JMJD7: variants seen among roughly 807,000 people sequenced by gnomAD.
JMJD7 encodes the protein jumonji domain containing 7.
In JMJD7, 41 loss-of-function variants were observed where a neutral mutation model predicts 41.1. That is an observed-to-expected ratio of 1.00 (90% CI 0.78 to 1.30). The LOEUF (loss-of-function observed/expected upper bound fraction) is 1.30. Ranked by LOEUF, JMJD7 falls within the 50% of genes most tolerant of loss-of-function variation. The pLI, the probability that JMJD7 is intolerant of heterozygous loss-of-function variation, is 0.00. For missense variants in JMJD7, 480 were observed against 420.7 expected (o/e 1.14, Z -1.23); for synonymous variants, 202 against 177.2 (o/e 1.14, Z -1.11).
chr15:41,833,408 A>AT (rs1279721703), intron 1 of JMJD7, among the ~76,000 whole-genome samples: 46 of 39,856 alleles, frequency 1.2e-3, no homozygotes, highest in African/African-American at 3.1e-3. Context: ...ATATATATAT[A>AT]TATATATTTT....
intron 1 of JMJD7, among the ~76,000 whole-genome samples, chr15:41,830,028 A>G (rs533223634): frequency 6.6e-6 from 1 of 152,294 alleles, no homozygotes; most frequent in South Asian, 2.1e-4. Context: ...GTGGGGAGGC[A>G]CAAGTCGGGC....
chr15:41,829,461 G>C (rs147231531), intron 1 of JMJD7, among the ~76,000 whole-genome samples: 1 of 152,158 alleles, frequency 6.6e-6, no homozygotes, highest in Non-Finnish European at 1.5e-5. Flanking sequence ...ACAGGCATGC[G>C]CCACCACGCC....
rs2065258149 is a variant in JMJD7 at position 41,833,401 on chromosome 15, TATA to T, written c.65-1338_65-1336del. 6.6e-5 allele frequency among the ~76,000 whole-genome samples: 3 copies of T among 45,442 alleles called. No homozygotes were observed. The South Asian group carries it at 2.6e-3, about 40-fold the overall frequency. The allele number at this position is 45,442 out of a possible 152,430, so 29.8% of individuals were successfully genotyped here. A position where few individuals can be genotyped will look rare whatever the true frequency, so the allele number is the denominator to read the frequency against. ...TTTATGTAGGTGAAATACATATATA[TATA>T]TATATATATATTTTTTTTTTTTTTT... On this transcript the variant is annotated intron_variant, in intron 1 of 7. Coordinates refer to ENST00000397299, the MANE Select transcript of JMJD7 (RefSeq NM_001114632.2).
Position 41,836,050 on chromosome 15 carries a change from A to G in JMJD7, c.530-98A>G, listed in dbSNP as rs139591133. 29 of 1,296,056 alleles carry G rather than the reference A, an allele frequency of 2.2e-5. No individual in the cohort carries two copies. In the African/African-American group the frequency reaches 4.3e-4, roughly 19 times the overall value. The allele number at this position is 1,296,056 out of a possible 1,614,324, so 80.3% of individuals were successfully genotyped here. A position where few individuals can be genotyped will look rare whatever the true frequency, so the allele number is the denominator to read the frequency against. On this transcript the variant is annotated intron_variant, in intron 4 of 7. Coordinates refer to ENST00000397299, the MANE Select transcript of JMJD7 (RefSeq NM_001114632.2). ...TCTGTGCGTGCTTCTCTTTTGTCAT[A>G]GGACGTCTTGGGGTGCAGGGCTCTC...
rs2065289114 is a variant in JMJD7, at chr15:41,835,029, C to T, written c.278C>T (p.Ala93Val). ...GTGACCCCAGATGGTTACGCGGATG[C>T]CGTGAGAGGGGATCGCTTCATGATG... ...VAVTPDGYAD[A>V]VRGDRFMMPA... Residue 93 changes from alanine (A) to valine (V), a missense_variant, in exon 3 of 8, where the codon GCC (alanine) becomes GTC (valine). Physicochemically the swap from Ala to Val is moderately conservative, Grantham distance 64. Coordinates refer to ENST00000397299, the MANE Select transcript of JMJD7 (RefSeq NM_001114632.2). 6.2e-7 allele frequency: 1 copy of T among 1,614,034 alleles called. No homozygotes were observed. Among genetic ancestry groups the T allele is most frequent in the Non-Finnish European group, 8.5e-7 (1 of 1,180,040 alleles).
At position 41,837,508 on chromosome 15, in the gene JMJD7, G is replaced by A; in HGVS notation, c.*352G>A. 3.3e-6 allele frequency: 1 copy of A among 300,496 alleles called. No homozygotes were observed. The highest frequency in any genetic ancestry group is 6.2e-6 in the Non-Finnish European group (1 of 161,556). The allele number at this position is 300,496 out of a possible 1,614,324, so 18.6% of individuals were successfully genotyped here. On this transcript the variant is annotated 3_prime_UTR_variant, in exon 8 of 8. Coordinates refer to ENST00000397299, the MANE Select transcript of JMJD7 (RefSeq NM_001114632.2). ...GGCTGTACCTCGCGGGGCTGTTGTG[G>A]GCTTGGAGATGATGTCTATGAGGAC... is the stretch of plus-strand genomic sequence containing the variant.
At chr15:41,835,878 C>T (rs2065305439) in intron 4 of JMJD7, among the ~76,000 whole-genome samples, 1 of 152,186 alleles carries the variant, frequency 6.6e-6, no homozygotes, top group Non-Finnish European at 1.5e-5. Context: ...AAAGAAACCT[C>T]CCTGAAGGCC....
At position 41,834,759 on chromosome 15, in the gene JMJD7, T is replaced by C; in HGVS notation, c.84T>C (p.Ala28=). The C allele has an allele frequency of 6.2e-7, 1 of 1,614,182 alleles. No individual in the cohort carries two copies. Among genetic ancestry groups the C allele is most frequent in the East Asian group, 2.2e-5 (1 of 44,888 alleles). The change falls in exon 2 of 8, where the codon GCT becomes GCC. Residue 28 remains alanine, a synonymous_variant. Transcript: ENST00000397299. The part of the protein sequence containing the change: ...AAARELCVPL[A]VPYLDKPPTP... ...TCTCAGAGCTCTGCGTGCCTCTTGC[T>C]GTGCCCTACCTGGACAAACCCCCAA...
rs139141432 is a variant in JMJD7 at position 41,835,500 on chromosome 15, C to T, written c.473-88C>T. On this transcript the variant is annotated intron_variant, in intron 3 of 7. Transcript: ENST00000397299. ...ACCCCTTTCTTGGGATTCTTCTGTG[C>T]TCACCCAGGTTTTGGCTCTGGCATC... 585 of 1,540,122 alleles carry T rather than the reference C, an allele frequency of 3.8e-4. 1 individual carries two copies. In the African/African-American group the frequency reaches 7.0e-3, roughly 19 times the overall value.
chr15:41,837,146 G>A lies in JMJD7; in HGVS notation c.941G>A (p.Gly314Asp). ...CTCGACTCCCTCACCAAGGCTTCAG[G>A]CCTTGACTGATGGAGCACTGGTGAA... ...QLLDSLTKAS[G>D]LD Residue 314 changes from glycine (G) to aspartate (D), a missense_variant, in exon 8 of 8, where the codon GGC becomes GAC. Physicochemically the swap from Gly to Asp is moderately conservative, Grantham distance 94 (BLOSUM62 -1). Coordinates refer to ENST00000397299, the MANE Select transcript of JMJD7 (RefSeq NM_001114632.2). 6.2e-7 allele frequency: 1 copy of A among 1,610,700 alleles called. No individual in the cohort carries two copies. The highest frequency in any genetic ancestry group is 1.1e-5 in the South Asian group (1 of 90,610).
Position 41,836,515 on chromosome 15 carries a change from C to G in JMJD7, c.666C>G (p.Gly222=). The G allele has an allele frequency of 6.3e-7, 1 of 1,592,880 alleles. No individual in the cohort carries two copies. The highest frequency in any genetic ancestry group is 8.6e-7 in the Non-Finnish European group (1 of 1,169,312). Residue 222 remains glycine (G), a synonymous_variant, in exon 6 of 8, where the codon GGC becomes GGG. Transcript: ENST00000397299. The part of the protein sequence containing the change: ...TPATYQLTEE[G]TFKVVDEEAM... ...CAACCTACCAGCTAACTGAAGAGGG[C>G]ACCTTTAAGGTGGTGGATGAAGAGG...
chr15:41,832,395 G>T (rs548867498), intron 1 of JMJD7: 4 of 174,436 alleles, frequency 2.3e-5, no homozygotes, highest in East Asian at 1.8e-4. Flanking sequence ...TATGGCTGCG[G>T]TGAGCTATTA....
At position 41,836,527 on chromosome 15, in the gene JMJD7, G is replaced by C; in HGVS notation, c.678G>C (p.Val226=). The C allele has an allele frequency of 6.3e-7, 1 of 1,590,844 alleles. No homozygotes were observed. The highest frequency in any genetic ancestry group is 8.6e-7 in the Non-Finnish European group (1 of 1,168,210). The stretch of plus-strand genomic sequence containing the variant: ...TAACTGAAGAGGGCACCTTTAAGGT[G>C]GTGGATGAAGAGGCCATGGAGAAGG... ...YQLTEEGTFK[V]VDEEAMEKVP... is the part of the protein sequence containing the mutation. Residue 226 remains valine (V), a synonymous_variant, in exon 6 of 8, where the codon GTG becomes GTC. Coordinates refer to ENST00000397299, the MANE Select transcript of JMJD7 (RefSeq NM_001114632.2).
At chr15:41,836,091 C>T in intron 4 of JMJD7, 57 bp from the exon 5 acceptor site, 1 of 1,514,752 alleles carries the variant, frequency 6.6e-7, no homozygotes, top group Non-Finnish European at 8.9e-7. Flanking sequence ...GATGGTTTGC[C>T]TCCTCCCGTG....
intron 1 of JMJD7, among the ~76,000 whole-genome samples, chr15:41,833,270 A>G (rs2065254678): frequency 6.6e-6 from 1 of 151,706 alleles, no homozygotes; most frequent in African/African-American, 2.4e-5. Context: ...AGCACATGCT[A>G]TGTGCTAGGT....
At position 41,834,841 on chromosome 15, in the gene JMJD7, A is replaced by T. The variant is rs1199556348; in HGVS notation, c.166A>T (p.Asn56Tyr). The change falls in exon 2 of 8, where the codon AAC becomes TAC. Residue 56 changes from asparagine (N) to tyrosine (Y), a missense_variant. Coordinates refer to ENST00000397299, the MANE Select transcript of JMJD7 (RefSeq NM_001114632.2). ...CCCCAACAGGCCGTGCATTATCCGC[A>T]ACGCTCTGCAGCACTGGCCGGCCCT... is the stretch of plus-strand genomic sequence containing the variant. ...VCPNRPCIIR[N>Y]ALQHWPALQK... 6 of 1,614,028 alleles carry T rather than the reference A, an allele frequency of 3.7e-6. No homozygotes were observed. In the Admixed American group the frequency reaches 8.3e-5, roughly 22 times the overall value.
chr15:41,830,399 C>T (rs1321288324), intron 1 of JMJD7, among the ~76,000 whole-genome samples: 2 of 152,358 alleles, frequency 1.3e-5, no homozygotes, highest in Admixed American at 1.3e-4. Context: ...ACCTTGCCCG[C>T]CGCCGCTGTG....
Position 41,828,138 on chromosome 15 carries a change from C to G in JMJD7, c.14C>G (p.Ala5Gly), listed in dbSNP as rs1012921068. Residue 5 changes from alanine (A) to glycine (G), a missense_variant, in exon 1 of 8, where the codon GCT becomes GGT. Physicochemically the swap from Ala to Gly is moderately conservative, Grantham distance 60. Transcript: ENST00000397299. ...GCTGACGCAGCCATGGCGGAGGCGG[C>G]TTTGGAAGCCGTGCGGAGCGAGTTA... is the stretch of plus-strand genomic sequence containing the variant. The part of the protein sequence containing the change: MAEA[A>G]LEAVRSELRE... 1.4e-6 allele frequency: 2 copies of G among 1,473,364 alleles called. No individual in the cohort carries two copies. Among genetic ancestry groups the G allele is most frequent in the African/African-American group, 1.5e-5 (1 of 67,358 alleles). 91.3% of individuals were successfully genotyped at this position (1,473,364 alleles called of 1,614,324 possible).
chr15:41,830,684 C>A (rs1457046871), intron 1 of JMJD7, among the ~76,000 whole-genome samples: 1 of 152,218 alleles, frequency 6.6e-6, no homozygotes, highest in African/African-American at 2.4e-5. Context: ...CCCAGGAAGG[C>A]CCCTTCCTGC....
Sources: allele counts gnomAD v4.1 joint callset (sites outside exome capture counted in the v4.1 genomes callset), GRCh38; gene constraint gnomAD v4.1.1; transcripts MANE v1.5; gene names NCBI Gene and HGNC (gene_info 2026-07-23, HGNC 2026-07-21).